ARL15: variants seen among roughly 807,000 people sequenced by gnomAD.
ARL15 encodes ARF like GTPase 15.
In ARL15, 19 loss-of-function variants were observed where a neutral mutation model predicts 25.2. The ratio of observed to expected loss-of-function variants is 0.75; its 90% CI spans 0.53 to 1.10. ARL15 has a LOEUF of 1.10. ARL15 is among the 50% of genes least tolerant of loss of function. The pLI, the probability that ARL15 is intolerant of heterozygous loss-of-function variation, is 0.00. For synonymous variants in ARL15, 94 were observed against 86.8 expected (o/e 1.08, Z -0.46); for missense variants, 220 against 246.0 (o/e 0.89, Z 0.71).
intron 4 of ARL15, among the ~76,000 whole-genome samples, chr5:54,063,112 A>T (rs1006790055): frequency 6.6e-6 from 1 of 152,192 alleles, no homozygotes; most frequent in African/African-American, 2.4e-5. Flanking sequence ...GATGTCAGGA[A>T]GAGAGAGGGG....
chr5:53,977,354 CA>C (rs397884651), intron 4 of ARL15, among the ~76,000 whole-genome samples: 9,095 of 90,254 alleles, frequency 0.1, 250 homozygotes, highest in Admixed American at 0.13. Flanking sequence ...GACTCCGCCT[CA>C]AAAAAAAAAA....
At chr5:54,254,482 T>A (rs1178193395) in intron 1 of ARL15, among the ~76,000 whole-genome samples, 1 of 152,246 alleles carries the variant, frequency 6.6e-6, no homozygotes, top group East Asian at 1.9e-4. Flanking sequence ...CAGTCTGTAG[T>A]CTGTATTTTC....
At chr5:54,241,327 A>G (rs888686543) in intron 1 of ARL15, among the ~76,000 whole-genome samples, 8 of 152,112 alleles carry the variant, frequency 5.3e-5, no homozygotes, top group African/African-American at 1.7e-4. Flanking sequence ...TAATTCACCC[A>G]ATGGTTGTGG....
chr5:54,187,329 C>T (rs970307632), intron 1 of ARL15, among the ~76,000 whole-genome samples: 4 of 152,146 alleles, frequency 2.6e-5, no homozygotes, highest in Admixed American at 1.3e-4. Flanking sequence ...CTACCATCAG[C>T]AATGGAAGGA....
Position 54,288,939 on chromosome 5 carries a change from A to G in ARL15, c.48+21493T>C, listed in dbSNP as rs143027248. Among the ~76,000 whole-genome samples, 555 of 152,366 alleles carry G rather than the reference A, an allele frequency of 3.6e-3. 3 individuals carry two copies. The highest frequency in any genetic ancestry group is 0.013 in the African/African-American group (535 of 41,586). On this transcript the variant is annotated intron_variant, in intron 1 of 4. Coordinates refer to ENST00000504924, the MANE Select transcript of ARL15 (RefSeq NM_019087.3). ...AGGAGTAGATGAGACTTGCAAGAGC[A>G]CACGGGATTCTGGAAAGCCTACAGC...
At chr5:54,032,132 A>G (rs1407225009) in intron 4 of ARL15, among the ~76,000 whole-genome samples, 2 of 152,210 alleles carry the variant, frequency 1.3e-5, no homozygotes, top group Non-Finnish European at 2.9e-5. Flanking sequence ...GCATGTGAGG[A>G]CTTTATCCTC....
At chr5:54,052,853 A>C (rs968576010) in intron 4 of ARL15, among the ~76,000 whole-genome samples, 1 of 151,960 alleles carries the variant, frequency 6.6e-6, no homozygotes, top group Non-Finnish European at 1.5e-5. Flanking sequence ...TTCTGATTCC[A>C]TTTTCCAATG....
intron 1 of ARL15, among the ~76,000 whole-genome samples, chr5:54,303,510 A>G (rs926900639): frequency 6.6e-6 from 1 of 152,054 alleles, no homozygotes; most frequent in African/African-American, 2.4e-5. Flanking sequence ...GACCCTGTCA[A>G]GCAAGCAACC....
intron 1 of ARL15, among the ~76,000 whole-genome samples, chr5:54,268,488 A>T (rs967509606): frequency 6.6e-6 from 1 of 152,204 alleles, no homozygotes; most frequent in African/African-American, 2.4e-5. Context: ...TTCTCCGTCC[A>T]GCTTTGTTCC....
At chr5:53,937,979 T>C (rs528292823) in intron 4 of ARL15, among the ~76,000 whole-genome samples, 1 of 152,290 alleles carries the variant, frequency 6.6e-6, no homozygotes, top group South Asian at 2.1e-4. Flanking sequence ...CAACGTCATA[T>C]CTGTGTTTAT....
chr5:54,295,461 C>T (rs1758441551), intron 1 of ARL15, among the ~76,000 whole-genome samples: 1 of 151,978 alleles, frequency 6.6e-6, no homozygotes, highest in African/African-American at 2.4e-5. Flanking sequence ...GTGATGCTAC[C>T]CACAGCCCAA....
At chr5:54,122,110 C>G (rs1006166977) in intron 3 of ARL15, among the ~76,000 whole-genome samples, 1 of 152,062 alleles carries the variant, frequency 6.6e-6, no homozygotes, top group Non-Finnish European at 1.5e-5. Flanking sequence ...AAAAATAAAC[C>G]AAAGTTTTTA....
intron 3 of ARL15, among the ~76,000 whole-genome samples, chr5:54,129,093 A>T (rs1486932367): frequency 6.6e-6 from 1 of 152,212 alleles, no homozygotes; most frequent in Admixed American, 6.5e-5. Context: ...TTAGCACTGC[A>T]TTAAAAACAA....
chr5:54,288,943 G>A (rs1211605056), intron 1 of ARL15, among the ~76,000 whole-genome samples: 1 of 152,132 alleles, frequency 6.6e-6, no homozygotes, highest in Non-Finnish European at 1.5e-5. Context: ...AAGAGCACAC[G>A]GGATTCTGGA....
chr5:54,107,058 T>C (rs1295078624), intron 4 of ARL15, among the ~76,000 whole-genome samples: 4 of 152,012 alleles, frequency 2.6e-5, no homozygotes, highest in Non-Finnish European at 5.9e-5. Flanking sequence ...TCCACATGGC[T>C]GGGGAGGCCT....
intron 4 of ARL15, among the ~76,000 whole-genome samples, chr5:53,931,452 A>T (rs1403089128): frequency 2.6e-5 from 4 of 152,210 alleles, no homozygotes; most frequent in African/African-American, 7.2e-5. Context: ...TGCCTGATGC[A>T]GTCCCTTACA....
intron 1 of ARL15, among the ~76,000 whole-genome samples, chr5:54,257,295 T>C (rs1190841696): frequency 6.6e-6 from 1 of 152,038 alleles, no homozygotes; most frequent in Non-Finnish European, 1.5e-5. Flanking sequence ...CTACAAAAAA[T>C]AAAATACCTA....
chr5:54,260,810 A>G (rs904970147), intron 1 of ARL15, among the ~76,000 whole-genome samples: 1 of 152,180 alleles, frequency 6.6e-6, no homozygotes. Flanking sequence ...GATTAGGACA[A>G]GTGACAAATG....
intron 1 of ARL15, among the ~76,000 whole-genome samples, chr5:54,294,415 C>G (rs1323322054): frequency 1.3e-5 from 2 of 152,174 alleles, no homozygotes; most frequent in African/African-American, 4.8e-5. Flanking sequence ...AAGGGTCATC[C>G]CTGTATTATT....
Sources: allele counts gnomAD v4.1 joint callset (sites outside exome capture counted in the v4.1 genomes callset), GRCh38; gene constraint gnomAD v4.1.1; transcripts MANE v1.5; gene names NCBI Gene and HGNC (gene_info 2026-07-23, HGNC 2026-07-21).